Variants in LHX2 observed in about 807,000 individuals in gnomAD.
LHX2 encodes the protein LIM homeobox 2.
A neutral mutation model predicts 33.0 loss-of-function variants in LHX2; 6 were observed. The observed-to-expected ratio is 0.18, with a 90% CI of 0.10 to 0.36. The LOEUF (loss-of-function observed/expected upper bound fraction) is 0.36, where lower values mean the gene tolerates loss of function less well. LHX2 is among the 10% of genes least tolerant of loss of function. LHX2 has a pLI of 1.00. For synonymous variants in LHX2, 292 were observed against 253.1 expected (o/e 1.15, Z -1.46); for missense variants, 442 against 586.2 (o/e 0.75, Z 2.54).
At chr9:124,026,737 C>A (rs1828630738) in intron 4 of LHX2, among the ~76,000 whole-genome samples, 1 of 152,052 alleles carries the variant, frequency 6.6e-6, no homozygotes, top group African/African-American at 2.4e-5. Context: ...TTTTATTTGG[C>A]CATATAATTC....
At chr9:124,026,073 T>C in intron 4 of LHX2, among the ~76,000 whole-genome samples, 1 of 152,224 alleles carries the variant, frequency 6.6e-6, no homozygotes, top group East Asian at 1.9e-4. Flanking sequence ...ACTCTAGCTT[T>C]CCTCTGGCCA....
intron 3 of LHX2, among the ~76,000 whole-genome samples, chr9:124,017,452 C>G (rs1398239488): frequency 1.3e-5 from 2 of 152,212 alleles, no homozygotes; most frequent in Non-Finnish European, 2.9e-5. Flanking sequence ...GCCCTTCCCT[C>G]CCCTCCCGCA....
In LHX2 at chr9:124,012,110, G is replaced by T; in HGVS notation, c.-239G>T. On this transcript the variant is annotated 5_prime_UTR_variant, in exon 1 of 5. Transcript: ENST00000373615. The surrounding 1 kb of genome is among the most constrained non-coding windows in gnomAD (Gnocchi z 4.3). Reference sequence around the variant, plus strand: ...CCCGTGCCCTTGTGACCCTGGCTTTGGCGCCGTCGCCCAGGCGCCCCGCAA... The same window carrying T: ...CCCGTGCCCTTGTGACCCTGGCTTTTGCGCCGTCGCCCAGGCGCCCCGCAA... The T allele has an allele frequency of 5.2e-6, 1 of 192,120 alleles. No homozygotes were observed. Among genetic ancestry groups the T allele is most frequent in the Non-Finnish European group, 1.0e-5 (1 of 95,672 alleles). The allele number at this position is 192,120 out of a possible 1,614,324, so 11.9% of individuals were successfully genotyped here. A position where few individuals can be genotyped will look rare whatever the true frequency, so the allele number is the denominator to read the frequency against.
intron 3 of LHX2, among the ~76,000 whole-genome samples, chr9:124,020,859 G>A (rs1289884536): frequency 2.6e-5 from 4 of 152,108 alleles, no homozygotes; most frequent in Non-Finnish European, 5.9e-5. Flanking sequence ...ATGATTTTTG[G>A]ATTCTCCCAG....
At chr9:124,019,173 C>G (rs1471863213) in intron 3 of LHX2, among the ~76,000 whole-genome samples, 1 of 152,228 alleles carries the variant, frequency 6.6e-6, no homozygotes, top group Non-Finnish European at 1.5e-5. Context: ...TGGGCGTGCT[C>G]TCTGTGGGAA....
chr9:124,032,437 C>T lies in LHX2; in HGVS notation c.951C>T (p.Ala317=), dbSNP rs746660248. ...KRVLQVWFQN[A]RAKFRRNLLR... ...CCCCGCAGGTCTGGTTCCAGAACGC[C>T]CGAGCCAAGTTCAGGCGCAACCTCT... The change falls in exon 5 of 5, where the codon GCC becomes GCT. Residue 317 remains alanine, a synonymous_variant. Transcript: ENST00000373615. This position sits in a 1 kb window ranked among gnomAD's most constrained non-coding sequence, Gnocchi z 4.1. The T allele has an allele frequency of 6.3e-7, 1 of 1,594,186 alleles. No homozygotes were observed. Among genetic ancestry groups the T allele is most frequent in the South Asian group, 1.1e-5 (1 of 90,542 alleles).
rs1407748944 is a variant in LHX2, at chr9:124,016,149, G to T, written c.727+624G>T. Among the ~76,000 whole-genome samples, 1 of 152,140 alleles carries T rather than the reference G, an allele frequency of 6.6e-6. No individual in the cohort carries two copies. Among genetic ancestry groups the T allele is most frequent in the African/African-American group, 2.4e-5 (1 of 41,424 alleles). On this transcript the variant is annotated intron_variant, in intron 3 of 4. Coordinates refer to ENST00000373615, the MANE Select transcript of LHX2 (RefSeq NM_004789.4). The surrounding 1 kb of genome is among the most constrained non-coding windows in gnomAD (Gnocchi z 4.4). ...TTTTCCTCCGAGTTTCCTGGCGCCTGCTGGGGTGAGGGCCGTGACCCTCGG... is the reference window on the plus strand; with the variant it reads ...TTTTCCTCCGAGTTTCCTGGCGCCTTCTGGGGTGAGGGCCGTGACCCTCGG...
intron 3 of LHX2, among the ~76,000 whole-genome samples, chr9:124,017,573 G>A (rs894908995): frequency 6.6e-6 from 1 of 152,138 alleles, no homozygotes; most frequent in African/African-American, 2.4e-5. Context: ...GGTCGTGTGC[G>A]TGTGCGTGCA....
chr9:124,021,582 T>C (rs1169934271), intron 4 of LHX2, among the ~76,000 whole-genome samples: 1 of 152,240 alleles, frequency 6.6e-6, no homozygotes, highest in Non-Finnish European at 1.5e-5. Context: ...CGGTCTCTTT[T>C]CTTTCTTCTA....
chr9:124,032,326 G>A lies in LHX2; in HGVS notation c.934-94G>A. ...GATCCTCTTGGCAAAACACAGATCA[G>A]CGTCCCCAGAGGCAGCAGAGCTCTG... On this transcript the variant is annotated intron_variant, in intron 4 of 4. Transcript: ENST00000373615. This position sits in a 1 kb window ranked among gnomAD's most constrained non-coding sequence, Gnocchi z 4.1. The A allele has an allele frequency of 7.2e-7, 1 of 1,390,882 alleles. No individual in the cohort carries two copies. Among genetic ancestry groups the A allele is most frequent in the Admixed American group, 2.4e-5 (1 of 41,544 alleles). 86.2% of individuals were successfully genotyped at this position (1,390,882 alleles called of 1,614,324 possible).
intron 4 of LHX2, 69 bp downstream of exon 4, chr9:124,021,373 C>A: frequency 6.9e-7 from 1 of 1,458,650 alleles, no homozygotes; most frequent in Non-Finnish European, 9.4e-7. Flanking sequence ...GCACCCCTCG[C>A]CGTGGGCCTT....
intron 4 of LHX2, among the ~76,000 whole-genome samples, chr9:124,022,889 A>C (rs1243130540): frequency 1.3e-5 from 2 of 152,154 alleles, no homozygotes; most frequent in African/African-American, 4.8e-5. Context: ...GGACTGGGTG[A>C]CGTAGCCGAG....
chr9:124,018,494 C>T (rs946408269), intron 3 of LHX2, among the ~76,000 whole-genome samples: 5 of 152,224 alleles, frequency 3.3e-5, no homozygotes, highest in East Asian at 2.0e-4. Context: ...TACTTAGGGC[C>T]GGCTCCTTTC....
intron 1 of LHX2, among the ~76,000 whole-genome samples, chr9:124,013,416 C>T (rs1859127597): frequency 1.3e-5 from 2 of 152,252 alleles, no homozygotes; most frequent in Admixed American, 6.5e-5. Flanking sequence ...GGCCCCAGCC[C>T]GTGTGGCAGA....
At chr9:124,022,131 C>T (rs560650485) in intron 4 of LHX2, among the ~76,000 whole-genome samples, 21 of 152,296 alleles carry the variant, frequency 1.4e-4, no homozygotes, top group African/African-American at 4.1e-4. Flanking sequence ...GTGGCAGAGT[C>T]GTGGGCCACA....
In LHX2 at chr9:124,014,525, C is replaced by A. The variant is rs1033166358; in HGVS notation, c.323+362C>A. 7.2e-5 allele frequency among the ~76,000 whole-genome samples: 11 copies of A among 152,232 alleles called. No individual in the cohort carries two copies. In the South Asian group the frequency reaches 1.9e-3, roughly 26 times the overall value. ...AACAGGCACCCCCAAACCTAGGCAGCCCAAGCTGGAGTGAAACACAGCTGG... is the reference window on the plus strand; with the variant it reads ...AACAGGCACCCCCAAACCTAGGCAGACCAAGCTGGAGTGAAACACAGCTGG... On this transcript the variant is annotated intron_variant, in intron 2 of 4. Transcript: ENST00000373615. This position sits in a 1 kb window ranked among gnomAD's most constrained non-coding sequence, Gnocchi z 4.8.
chr9:124,015,061 G>A lies in LHX2; in HGVS notation c.324-61G>A. 1 of 1,579,328 alleles carries A rather than the reference G, an allele frequency of 6.3e-7. No homozygotes were observed. Among genetic ancestry groups the A allele is most frequent in the South Asian group, 1.1e-5 (1 of 88,864 alleles). On this transcript the variant is annotated intron_variant, in intron 2 of 4. Coordinates refer to ENST00000373615, the MANE Select transcript of LHX2 (RefSeq NM_004789.4). This position sits in a 1 kb window ranked among gnomAD's most constrained non-coding sequence, Gnocchi z 7.9. ...CCCGCAGCAGCAGCGGCACCTGGAGGAGGAAAAGGGGGGTACCCAACCGTG... is the reference window on the plus strand; with the variant it reads ...CCCGCAGCAGCAGCGGCACCTGGAGAAGGAAAAGGGGGGTACCCAACCGTG...
rs2118749416 is a variant in LHX2 at position 124,015,364 on chromosome 9, C to A, written c.566C>A (p.Ala189Glu). The change falls in exon 3 of 5, where the codon GCG becomes GAG. Residue 189 changes from alanine (A) to glutamate (E), a missense_variant. This residue lies in a region of LHX2 where 132 missense variants were observed against 139.1 expected (regional missense o/e 0.95). Transcript: ENST00000373615. The surrounding 1 kb of genome is among the most constrained non-coding windows in gnomAD (Gnocchi z 7.9). ...AHFNHADVAA[A>E]AAAAAAAKSA... ...TTCAACCATGCCGACGTGGCAGCGG[C>A]GGCCGCTGCAGCCGCGGCGGCCAAG... 1.2e-6 allele frequency: 2 copies of A among 1,610,170 alleles called. No homozygotes were observed. Among genetic ancestry groups the A allele is most frequent in the East Asian group, 4.5e-5 (2 of 44,790 alleles).
rs147369249 is a variant in LHX2, at chr9:124,022,256, T to A, written c.933+952T>A. ...GGATACAATAAATTATGCTGCCGGGTTATCCAAGGAGCCACTGAAATGACG... is the reference window on the plus strand; with the variant it reads ...GGATACAATAAATTATGCTGCCGGGATATCCAAGGAGCCACTGAAATGACG... On this transcript the variant is annotated intron_variant, in intron 4 of 4. Coordinates refer to ENST00000373615, the MANE Select transcript of LHX2 (RefSeq NM_004789.4). Among the ~76,000 whole-genome samples the A allele has an allele frequency of 2.1e-4, 32 of 152,306 alleles. No individual in the cohort carries two copies. In the East Asian group the frequency reaches 5.8e-3, roughly 28 times the overall value.
Sources: gnomAD v4.1 joint callset for allele counts (sites outside exome capture counted in the v4.1 genomes callset) on GRCh38, gnomAD v4.1.1 for gene constraint, gnomAD v4.1.1 regional missense constraint, Gnocchi (gnomAD v3.1) non-coding constraint, MANE v1.5 for transcripts, NCBI Gene and HGNC (gene_info 2026-07-23, HGNC 2026-07-21) for gene names.